TKTL1: variants seen among roughly 807,000 people sequenced by gnomAD.
TKTL1 encodes transketolase like 1, also known as transketolase-like protein 1.
In TKTL1, 1 loss-of-function variant was observed where a neutral mutation model predicts 39.3. The observed-to-expected ratio is 0.03, with a 90% CI of 0.01 to 0.12. The LOEUF is 0.12. TKTL1 is among the 10% of genes least tolerant of loss of function. The pLI, the probability that TKTL1 is intolerant of heterozygous loss-of-function variation, is 1.00. For missense variants in TKTL1, 575 were observed against 509.6 expected (o/e 1.13, Z -1.24); for synonymous variants, 262 against 193.8 (o/e 1.35, Z -2.92).
chrX:154,302,365 G>A (rs1253253564), intron 1 of TKTL1, among the ~76,000 whole-genome samples: 2 of 111,624 alleles, frequency 1.8e-5, no homozygotes, highest in African/African-American at 6.5e-5. Flanking sequence ...TGCCAAGACT[G>A]GGTGGCTTAA....
At chrX:154,302,053 A>T (rs1352863842) in intron 1 of TKTL1, among the ~76,000 whole-genome samples, 4 of 110,476 alleles carry the variant, frequency 3.6e-5, no homozygotes, top group African/African-American at 1.3e-4. Flanking sequence ...TTGTGTCATC[A>T]CACACAGTCC....
Position 154,309,449 on chromosome X carries a change from T to C in TKTL1, c.350+7T>C. Reference sequence around the variant, plus strand: ...AGTACTTCGACAGGGCCAGGTGAGGTTCTTCCCCAGAAGCCATTTAACTGC... The same window carrying C: ...AGTACTTCGACAGGGCCAGGTGAGGCTCTTCCCCAGAAGCCATTTAACTGC... On this transcript the variant is annotated splice_region_variant and intron_variant, in intron 3 of 12. Transcript: ENST00000369915. The C allele has an allele frequency of 8.4e-7, 1 of 1,195,709 alleles. No individual in the cohort carries two copies. Among genetic ancestry groups the C allele is most frequent in the South Asian group, 1.8e-5 (1 of 56,493 alleles).
intron 1 of TKTL1, among the ~76,000 whole-genome samples, chrX:154,299,298 C>T (rs1203857137): frequency 3.7e-5 from 4 of 106,898 alleles, no homozygotes; most frequent in Non-Finnish European, 7.7e-5. Flanking sequence ...TGGGATTACA[C>T]GCATGCACCT....
intron 8 of TKTL1, among the ~76,000 whole-genome samples, chrX:154,322,554 T>A (rs782814742): frequency 7.2e-5 from 8 of 110,952 alleles, no homozygotes; most frequent in South Asian, 3.8e-4. Flanking sequence ...TTAATTTTTT[T>A]AAAAAAAGAG....
At chrX:154,317,012 T>C (rs1470941632) in intron 7 of TKTL1, among the ~76,000 whole-genome samples, 1 of 110,974 alleles carries the variant, frequency 9.0e-6, no homozygotes, top group African/African-American at 3.3e-5. Flanking sequence ...TCAGGTGATC[T>C]GCCTGCCTCA....
At chrX:154,307,508 G>A (rs782213199) in intron 2 of TKTL1, among the ~76,000 whole-genome samples, 1 of 112,723 alleles carries the variant, frequency 8.9e-6, no homozygotes, top group Non-Finnish European at 1.9e-5. Context: ...GCAGCATAAG[G>A]GTTCTTGAGA....
intron 3 of TKTL1, 78 bp downstream of exon 3, chrX:154,309,520 A>G (rs1338178515): frequency 1.2e-6 from 1 of 860,644 alleles, no homozygotes; most frequent in Non-Finnish European, 1.7e-6. Flanking sequence ...GCAGCCACCT[A>G]TCTCCGTGAT....
At chrX:154,304,962 C>T (rs1439961446) in intron 1 of TKTL1, 2 of 964,044 alleles carry the variant, frequency 2.1e-6, no homozygotes, top group African/African-American at 4.0e-5. Context: ...CATGGCATTT[C>T]TGATTCACAA....
chrX:154,309,567 C>A (rs1603352308), intron 3 of TKTL1, 125 bp downstream of exon 3: 2 of 571,772 alleles, frequency 3.5e-6, no homozygotes, highest in South Asian at 2.8e-5. Flanking sequence ...CATCACATCC[C>A]GTGGTGACCC....
intron 3 of TKTL1, 43 bp downstream of exon 3, chrX:154,309,485 C>T (rs781826870): frequency 1.2e-5 from 13 of 1,077,924 alleles, no homozygotes; most frequent in Middle Eastern, 2.5e-4. Flanking sequence ...CCTACATCTA[C>T]ATCCCCTTCC....
chrX:154,316,151 G>A (rs2067398169), intron 7 of TKTL1, among the ~76,000 whole-genome samples: 1 of 111,309 alleles, frequency 9.0e-6, no homozygotes, highest in Non-Finnish European at 1.9e-5. Flanking sequence ...CTCACTGCAA[G>A]CTCCGCCTCC....
At chrX:154,327,016 G>A (rs911814830) in intron 10 of TKTL1, among the ~76,000 whole-genome samples, 23 of 111,867 alleles carry the variant, frequency 2.1e-4, no homozygotes, top group African/African-American at 7.5e-4. Context: ...AGATGCCTCC[G>A]ATGGGTAGCT....
At chrX:154,301,616 A>T (rs1557165948) in intron 1 of TKTL1, among the ~76,000 whole-genome samples, 1 of 112,641 alleles carries the variant, frequency 8.9e-6, no homozygotes, top group Non-Finnish European at 1.9e-5. Flanking sequence ...TTTTTTGTAC[A>T]TGTTCATTTT....
At chrX:154,317,349 A>AGTCTCAG (rs1460326901) in intron 7 of TKTL1, among the ~76,000 whole-genome samples, 1 of 111,794 alleles carries the variant, frequency 8.9e-6, no homozygotes, top group Non-Finnish European at 1.9e-5. Context: ...ACTTAAGCTG[A>AGTCTCAG]GTCTCAGGTG....
intron 1 of TKTL1, among the ~76,000 whole-genome samples, chrX:154,302,780 G>T (rs782449842): frequency 1.8e-5 from 2 of 111,806 alleles, no homozygotes; most frequent in East Asian, 5.6e-4. Context: ...CCAGTGACTA[G>T]TGTCCTTATA....
chrX:154,323,899 C>CT (rs1318247044), intron 9 of TKTL1, among the ~76,000 whole-genome samples: 1 of 112,683 alleles, frequency 8.9e-6, no homozygotes, highest in Admixed American at 9.4e-5. Context: ...CAGAACCTAG[C>CT]TGCACGGGAG....
intron 7 of TKTL1, among the ~76,000 whole-genome samples, chrX:154,319,478 C>T (rs1351979028): frequency 8.9e-6 from 1 of 111,832 alleles, no homozygotes; most frequent in East Asian, 2.8e-4. Context: ...CAGTGGCTCA[C>T]GCCCGTAATC....
chrX:154,313,797 C>T (rs923162188), intron 6 of TKTL1, among the ~76,000 whole-genome samples: 5 of 109,504 alleles, frequency 4.6e-5, no homozygotes, highest in African/African-American at 1.7e-4. Flanking sequence ...ATTATCCAGG[C>T]ATGGTGCCAT....
intron 3 of TKTL1, among the ~76,000 whole-genome samples, 169 bp downstream of exon 3, chrX:154,309,611 C>T (rs781836040): frequency 3.3e-4 from 37 of 111,181 alleles, no homozygotes; most frequent in African/African-American, 1.1e-3. Flanking sequence ...TTTTCCCCAC[C>T]TCGGGCGGCT....
Sources: gnomAD v4.1 joint callset for allele counts (sites outside exome capture counted in the v4.1 genomes callset) on GRCh38, gnomAD v4.1.1 for gene constraint, MANE v1.5 for transcripts, NCBI Gene and HGNC (gene_info 2026-07-23, HGNC 2026-07-21) for gene names.